Variants in PTPRT observed in about 807,000 individuals in gnomAD.
PTPRT encodes the protein protein tyrosine phosphatase receptor type T, also known as receptor-type tyrosine-protein phosphatase T.
A neutral mutation model predicts 176.8 loss-of-function variants in PTPRT; 56 were observed. The observed-to-expected ratio is 0.32, with a 90% CI of 0.26 to 0.40. The LOEUF is 0.40. PTPRT is among the 10% of genes least tolerant of loss of function. The pLI, the probability that PTPRT is intolerant of heterozygous loss-of-function variation, is 1.00. For missense variants in PTPRT, 1,540 were observed against 1,908.2 expected (o/e 0.81, Z 3.60); for synonymous variants, 783 against 739.0 (o/e 1.06, Z -0.96).
chr20:42,568,257 G>A (rs1432067920), intron 7 of PTPRT, among the ~76,000 whole-genome samples: 3 of 152,088 alleles, frequency 2.0e-5, no homozygotes, highest in East Asian at 1.9e-4. Context: ...GTGAGCCACC[G>A]CGCCCGGCTG....
At chr20:43,034,675 T>C (rs1480698097) in intron 1 of PTPRT, among the ~76,000 whole-genome samples, 1 of 151,234 alleles carries the variant, frequency 6.6e-6, no homozygotes, top group African/African-American at 2.4e-5. Context: ...CAATTACTTT[T>C]GCACCAACCT....
intron 7 of PTPRT, among the ~76,000 whole-genome samples, chr20:42,566,710 C>T (rs901119144): frequency 2.6e-5 from 4 of 152,156 alleles, no homozygotes; most frequent in Admixed American, 2.0e-4. Flanking sequence ...AGGACTATTG[C>T]TCCTGTTGCC....
At chr20:42,688,874 G>A (rs1431967307) in intron 6 of PTPRT, among the ~76,000 whole-genome samples, 1 of 152,214 alleles carries the variant, frequency 6.6e-6, no homozygotes, top group Admixed American at 6.5e-5. Context: ...GTTTGGGGAT[G>A]TGGAGTCAAA....
chr20:42,550,816 T>C (rs1383892444), intron 7 of PTPRT, among the ~76,000 whole-genome samples: 1 of 152,192 alleles, frequency 6.6e-6, no homozygotes, highest in Non-Finnish European at 1.5e-5. Flanking sequence ...TGATGCACTA[T>C]GTATCTATCA....
chr20:42,052,015 TG>T, the PTPRT span, among the ~76,000 whole-genome samples: 2 of 152,214 alleles, frequency 1.3e-5, no homozygotes, highest in African/African-American at 4.8e-5. Flanking sequence ...TGTGTTTGTG[TG>T]GGTTTCAAAT....
chr20:42,806,767 G>A (rs764925250), intron 2 of PTPRT, among the ~76,000 whole-genome samples: 1 of 152,118 alleles, frequency 6.6e-6, no homozygotes, highest in African/African-American at 2.4e-5. Flanking sequence ...CCATGCATAG[G>A]CTGTAGTTTG....
At chr20:42,195,877 T>C (rs2146660228) in intron 16 of PTPRT, among the ~76,000 whole-genome samples, 1 of 152,346 alleles carries the variant, frequency 6.6e-6, no homozygotes, top group South Asian at 2.1e-4. Flanking sequence ...CTTTAAAACA[T>C]CTAATTAGAT....
At chr20:42,309,433 T>G (rs1039259384) in intron 12 of PTPRT, among the ~76,000 whole-genome samples, 1 of 152,102 alleles carries the variant, frequency 6.6e-6, no homozygotes, top group Non-Finnish European at 1.5e-5. Flanking sequence ...CCCAGGAGCC[T>G]GGAGCTTGGG....
At chr20:42,479,394 G>T (rs940523614) in intron 7 of PTPRT, among the ~76,000 whole-genome samples, 2 of 152,150 alleles carry the variant, frequency 1.3e-5, no homozygotes, top group African/African-American at 2.4e-5. Context: ...TGGAGTCCTA[G>T]GCAGCTGGAA....
chr20:42,998,340 C>G (rs1984344204), intron 1 of PTPRT, among the ~76,000 whole-genome samples: 1 of 152,162 alleles, frequency 6.6e-6, no homozygotes, highest in African/African-American at 2.4e-5. Flanking sequence ...CAAAACCTTT[C>G]TTAATATGAT....
At chr20:43,019,951 G>A (rs527712784) in intron 1 of PTPRT, among the ~76,000 whole-genome samples, 5 of 151,826 alleles carry the variant, frequency 3.3e-5, no homozygotes, top group South Asian at 2.1e-4. Flanking sequence ...TAACACCCTC[G>A]GCTTCTTTGG....
intron 1 of PTPRT, among the ~76,000 whole-genome samples, chr20:42,934,504 T>A (rs1980053440): frequency 6.6e-6 from 1 of 152,130 alleles, no homozygotes; most frequent in African/African-American, 2.4e-5. Flanking sequence ...CACAAGGCTG[T>A]AATCAAGATG....
chr20:42,346,485 TA>T (rs1436456251), intron 11 of PTPRT, among the ~76,000 whole-genome samples: 1 of 152,132 alleles, frequency 6.6e-6, no homozygotes, highest in Non-Finnish European at 1.5e-5. Context: ...TTCTGTCACT[TA>T]AAAACCAATA....
chr20:42,271,477 A>G lies in PTPRT; in HGVS notation c.2176+11012T>C, dbSNP rs75127518. On this transcript the variant is annotated intron_variant, in intron 13 of 30. Transcript: ENST00000373187. Reference sequence around the variant, plus strand: ...ATTGCAATATATCACTGTATTAGAAATGGATGCCTTCTCTTAAATCTGTAG... The same window carrying G: ...ATTGCAATATATCACTGTATTAGAAGTGGATGCCTTCTCTTAAATCTGTAG... Among the ~76,000 whole-genome samples, 501 of 152,302 alleles carry G rather than the reference A, an allele frequency of 3.3e-3. 2 individuals carry two copies. Among genetic ancestry groups the G allele is most frequent in the African/African-American group, 0.011 (476 of 41,556 alleles).
At chr20:43,116,637 G>A (rs1477910722) in intron 1 of PTPRT, among the ~76,000 whole-genome samples, 1 of 152,168 alleles carries the variant, frequency 6.6e-6, no homozygotes, top group East Asian at 1.9e-4. Context: ...AGGACTGGCT[G>A]CCCCTCTGTG....
intron 6 of PTPRT, among the ~76,000 whole-genome samples, chr20:42,710,746 C>G (rs6124485): frequency 1.3e-5 from 2 of 152,234 alleles, no homozygotes; most frequent in African/African-American, 2.4e-5. Context: ...GGCCACTGCC[C>G]TCCAGATCCC....
chr20:43,167,682 G>C (rs1211419878), intron 1 of PTPRT, among the ~76,000 whole-genome samples: 1 of 152,186 alleles, frequency 6.6e-6, no homozygotes, highest in African/African-American at 2.4e-5. Flanking sequence ...ATAGCAGATT[G>C]TCTCCCTTGC....
intron 25 of PTPRT, 148 bp from the exon 26 acceptor site, chr20:42,102,445 T>C: frequency 2.3e-6 from 2 of 869,524 alleles, no homozygotes; most frequent in East Asian, 2.7e-5. Flanking sequence ...CCATTTCTCT[T>C]CCACGGTGAT....
intron 6 of PTPRT, among the ~76,000 whole-genome samples, chr20:42,708,582 C>A (rs966288179): frequency 6.6e-6 from 1 of 152,128 alleles, no homozygotes; most frequent in African/African-American, 2.4e-5. Context: ...GTGTTAAGGG[C>A]CCAAGATAGC....
Sources: allele counts gnomAD v4.1 joint callset (sites outside exome capture counted in the v4.1 genomes callset), GRCh38; gene constraint gnomAD v4.1.1; transcripts MANE v1.5; gene names NCBI Gene and HGNC (gene_info 2026-07-23, HGNC 2026-07-21).